Variants in GFOD1 observed in about 807,000 individuals in gnomAD.
GFOD1 encodes the protein glucose-fructose oxidoreductase domain-containing protein 1.
In GFOD1, 9 loss-of-function variants were observed where a neutral mutation model predicts 25.4. The ratio of observed to expected loss-of-function variants is 0.35; its 90% CI spans 0.21 to 0.62. The LOEUF (loss-of-function observed/expected upper bound fraction) is 0.62. GFOD1 is among the 20% of genes least tolerant of loss of function. GFOD1 has a pLI of 0.72. For missense variants in GFOD1, 403 were observed against 556.9 expected (o/e 0.72, Z 2.78); for synonymous variants, 253 against 245.6 (o/e 1.03, Z -0.28).
intron 1 of GFOD1, among the ~76,000 whole-genome samples, chr6:13,440,184 A>G (rs1262775918): frequency 6.6e-6 from 1 of 151,858 alleles, no homozygotes; most frequent in Non-Finnish European, 1.5e-5. Context: ...GGTTAACATT[A>G]GTTCTTTTTT....
rs1784947528 is a variant in GFOD1, at chr6:13,361,595, A to T, written c.*3148T>A. Reference sequence around the variant, plus strand: ...TCTGCAGAACACTGTTGAAGGCTAGAGATTTCAGCTTCATATAGCTACCCC... The same window carrying T: ...TCTGCAGAACACTGTTGAAGGCTAGTGATTTCAGCTTCATATAGCTACCCC... On this transcript the variant is annotated 3_prime_UTR_variant, in exon 2 of 2. Coordinates refer to ENST00000379287, the MANE Select transcript of GFOD1 (RefSeq NM_018988.4). 6.6e-6 allele frequency: 1 copy of T among 152,242 alleles called. No individual in the cohort carries two copies. The highest frequency in any genetic ancestry group is 1.5e-5 in the Non-Finnish European group (1 of 68,070). The allele number at this position is 152,242 out of a possible 1,614,324, so 9.4% of individuals were successfully genotyped here.
At chr6:13,376,165 G>C (rs934470338) in intron 1 of GFOD1, among the ~76,000 whole-genome samples, 2 of 152,328 alleles carry the variant, frequency 1.3e-5, no homozygotes, top group South Asian at 4.1e-4. Context: ...CTTCATGTCA[G>C]TGGCACATAC....
chr6:13,472,528 A>T (rs1463471583), intron 1 of GFOD1, among the ~76,000 whole-genome samples: 1 of 152,206 alleles, frequency 6.6e-6, no homozygotes, highest in Non-Finnish European at 1.5e-5. Flanking sequence ...TATTATCCCC[A>T]TTATACAGAT....
chr6:13,378,504 G>A (rs1265444998), intron 1 of GFOD1, among the ~76,000 whole-genome samples: 3 of 152,218 alleles, frequency 2.0e-5, no homozygotes, highest in Non-Finnish European at 4.4e-5. Flanking sequence ...CGAATAGCTG[G>A]TTGCTCCATA....
At chr6:13,439,252 T>C (rs1757879256) in intron 1 of GFOD1, among the ~76,000 whole-genome samples, 1 of 152,130 alleles carries the variant, frequency 6.6e-6, no homozygotes, top group Non-Finnish European at 1.5e-5. Flanking sequence ...TGAAAGAAGA[T>C]AATGTGTTTC....
intron 1 of GFOD1, among the ~76,000 whole-genome samples, chr6:13,426,459 G>A (rs1378016459): frequency 2.0e-5 from 3 of 152,196 alleles, no homozygotes; most frequent in Non-Finnish European, 4.4e-5. Context: ...AACCAGACAC[G>A]AACCTACTCT....
At chr6:13,428,506 GT>G (rs1562216276) in intron 1 of GFOD1, among the ~76,000 whole-genome samples, 3 of 141,806 alleles carry the variant, frequency 2.1e-5, no homozygotes, top group Non-Finnish European at 4.4e-5. Flanking sequence ...CAGGCCCCCA[GT>G]GCGATGCGAT....
At chr6:13,436,937 C>T (rs1350648846) in intron 1 of GFOD1, among the ~76,000 whole-genome samples, 2 of 152,300 alleles carry the variant, frequency 1.3e-5, no homozygotes, top group East Asian at 1.9e-4. Context: ...TTGTGCAGAG[C>T]CAGCTCATAT....
intron 1 of GFOD1, among the ~76,000 whole-genome samples, chr6:13,418,834 T>C (rs1413563036): frequency 6.6e-6 from 1 of 152,232 alleles, no homozygotes. Flanking sequence ...GAAGGTCTCC[T>C]GAGCACTGGT....
At chr6:13,394,839 G>C (rs1785695543) in intron 1 of GFOD1, among the ~76,000 whole-genome samples, 1 of 152,064 alleles carries the variant, frequency 6.6e-6, no homozygotes, top group Admixed American at 6.5e-5. Flanking sequence ...CACCATATTG[G>C]CCAGGCTGGT....
chr6:13,468,523 C>T (rs371028705), intron 1 of GFOD1, among the ~76,000 whole-genome samples: 5 of 152,150 alleles, frequency 3.3e-5, no homozygotes, highest in Non-Finnish European at 5.9e-5. Flanking sequence ...AGTCAACCGC[C>T]TCGTTTTCTT....
At chr6:13,448,909 C>T (rs573935984) in intron 1 of GFOD1, among the ~76,000 whole-genome samples, 3 of 152,262 alleles carry the variant, frequency 2.0e-5, no homozygotes, top group East Asian at 1.9e-4. Context: ...CTAATTTTAA[C>T]GCTGGAATAC....
At chr6:13,418,905 C>A (rs1331629067) in intron 1 of GFOD1, among the ~76,000 whole-genome samples, 1 of 152,138 alleles carries the variant, frequency 6.6e-6, no homozygotes, top group Non-Finnish European at 1.5e-5. Flanking sequence ...TGAATATAAT[C>A]AATAATGCAA....
intron 1 of GFOD1, 191 bp downstream of exon 1, chr6:13,486,447 C>G: frequency 1.6e-6 from 1 of 625,656 alleles, no homozygotes; most frequent in South Asian, 2.0e-5. Context: ...AGGAGGGAAG[C>G]GCAAAGGTGG....
At chr6:13,460,887 C>A (rs1398211754) in intron 1 of GFOD1, among the ~76,000 whole-genome samples, 1 of 152,160 alleles carries the variant, frequency 6.6e-6, no homozygotes, top group African/African-American at 2.4e-5. Context: ...CTACTCTCTT[C>A]TGCCCTTCCA....
At chr6:13,444,696 T>C (rs984097307) in intron 1 of GFOD1, among the ~76,000 whole-genome samples, 1 of 152,184 alleles carries the variant, frequency 6.6e-6, no homozygotes, top group Non-Finnish European at 1.5e-5. Flanking sequence ...AAAAATTTAA[T>C]GAAAGTATGT....
chr6:13,390,674 C>A (rs1242863963), intron 1 of GFOD1, among the ~76,000 whole-genome samples: 1 of 149,752 alleles, frequency 6.7e-6, no homozygotes, highest in Admixed American at 6.7e-5. Context: ...CTGTAGTGAG[C>A]CATGCTAGCA....
chr6:13,364,737 T>G lies in GFOD1; in HGVS notation c.*6A>C, dbSNP rs1248919951. On this transcript the variant is annotated 3_prime_UTR_variant, in exon 2 of 2. Coordinates refer to ENST00000379287, the MANE Select transcript of GFOD1 (RefSeq NM_018988.4). This position sits in a 1 kb window ranked among gnomAD's most constrained non-coding sequence, Gnocchi z 4.1. ...AGGCTCAAGTCCCCGAGGTTCTCAA[T>G]CTGTGCTAACAGTAGAGGGACATCC... The G allele has an allele frequency of 6.2e-7, 1 of 1,600,002 alleles. No homozygotes were observed. Among genetic ancestry groups the G allele is most frequent in the Non-Finnish European group, 8.5e-7 (1 of 1,170,428 alleles).
At chr6:13,434,726 G>A (rs1418581858) in intron 1 of GFOD1, among the ~76,000 whole-genome samples, 3 of 152,194 alleles carry the variant, frequency 2.0e-5, no homozygotes, top group African/African-American at 7.2e-5. Flanking sequence ...GTAAAAATCA[G>A]CCAGGCAAAT....
Sources: gnomAD v4.1 joint callset for allele counts (sites outside exome capture counted in the v4.1 genomes callset) on GRCh38, gnomAD v4.1.1 for gene constraint, Gnocchi (gnomAD v3.1) non-coding constraint, MANE v1.5 for transcripts, NCBI Gene and HGNC (gene_info 2026-07-23, HGNC 2026-07-21) for gene names.